CLASP1: variants seen among roughly 807,000 people sequenced by gnomAD.
CLASP1 encodes cytoplasmic linker associated protein 1.
Under a neutral mutation model 192.3 loss-of-function variants are expected in CLASP1, and 38 were observed. That is an observed-to-expected ratio of 0.20 (90% CI 0.15 to 0.26). CLASP1 has a LOEUF of 0.26. CLASP1 is among the 10% of genes least tolerant of loss of function. The probability of loss-of-function intolerance (pLI) is 1.00; values close to 1 mark genes in which losing one functional copy is unlikely to be tolerated. For missense variants in CLASP1, 1,433 were observed against 1,932.5 expected, an observed-to-expected ratio of 0.74 and a Z score of 4.85; for synonymous variants, 691 against 712.8, an observed-to-expected ratio of 0.97 and a Z score of 0.49.
intron 8 of CLASP1, among the ~76,000 whole-genome samples, chr2:121,497,258 G>GT (rs1403118453): frequency 6.6e-6 from 1 of 152,038 alleles, no homozygotes; most frequent in Non-Finnish European, 1.5e-5. Flanking sequence ...GGAGAGGGAG[G>GT]TATCAAAAAT....
At chr2:121,491,455 AT>A (rs1216217299) in intron 8 of CLASP1, among the ~76,000 whole-genome samples, 29 of 152,376 alleles carry the variant, frequency 1.9e-4, no homozygotes, top group Non-Finnish European at 1.0e-4. Context: ...ATTAAAGATC[AT>A]TAAGTGGTTG....
At chr2:121,471,011 A>T (rs943854883) in intron 8 of CLASP1, among the ~76,000 whole-genome samples, 5 of 152,214 alleles carry the variant, frequency 3.3e-5, no homozygotes, top group African/African-American at 4.8e-5. Context: ...TTAAAATTTT[A>T]AAAAAACACA....
In CLASP1 at chr2:121,385,241, ATT is replaced by A. The variant is rs1240286339; in HGVS notation, c.3374+1879_3374+1880del. Among the ~76,000 whole-genome samples the A allele has an allele frequency of 2.0e-5, 3 of 152,324 alleles. No individual in the cohort carries two copies. The South Asian group carries it at 6.2e-4, about 32-fold the overall frequency. On this transcript the variant is annotated intron_variant, in intron 32 of 39. Coordinates refer to ENST00000263710, the Ensembl canonical transcript of CLASP1. Reference sequence around the variant, plus strand: ...GACAGTTTTAGTTGCGAGAAAAATCATTTCTTCTGTAAGCTCAAGTTGGCTAA... The same window carrying A: ...GACAGTTTTAGTTGCGAGAAAAATCATCTTCTGTAAGCTCAAGTTGGCTAA...
chr2:121,638,672 T>TTTA (rs35271742), intron 1 of CLASP1, among the ~76,000 whole-genome samples: 27,648 of 147,968 alleles, frequency 0.19, 4,386 homozygotes, highest in African/African-American at 0.43. Flanking sequence ...TCTTTTTTAT[T>TTTA]TTTTTTTTTT....
At chr2:121,489,853 C>T (rs550517103) in intron 8 of CLASP1, among the ~76,000 whole-genome samples, 1 of 152,146 alleles carries the variant, frequency 6.6e-6, no homozygotes, top group Non-Finnish European at 1.5e-5. Context: ...TTATGCTTTT[C>T]CTCTATACCT....
At chr2:121,478,837 CCACA>C (rs1559368025) in intron 8 of CLASP1, among the ~76,000 whole-genome samples, 17 of 94,320 alleles carry the variant, frequency 1.8e-4, no homozygotes, top group African/African-American at 6.8e-4. Context: ...ACACCACACA[CCACA>C]CACACACCAC....
intron 1 of CLASP1, among the ~76,000 whole-genome samples, chr2:121,640,967 G>A (rs146964083): frequency 0.012 from 1,777 of 152,242 alleles, 38 homozygotes; most frequent in African/African-American, 0.04. Flanking sequence ...GCTAACCAAA[G>A]GCTGAGCAGG....
chr2:121,635,343 A>C (rs1315179314), intron 1 of CLASP1, among the ~76,000 whole-genome samples: 1 of 152,204 alleles, frequency 6.6e-6, no homozygotes, highest in African/African-American at 2.4e-5. Flanking sequence ...GGAACTAAAG[A>C]GAATAAAATA....
At chr2:121,485,659 T>C (rs893029810) in intron 8 of CLASP1, among the ~76,000 whole-genome samples, 5 of 151,858 alleles carry the variant, frequency 3.3e-5, no homozygotes, top group Non-Finnish European at 7.4e-5. Flanking sequence ...AGGTCAGGAG[T>C]TTGAGACCTG....
chr2:121,523,301 A>G (rs1324473586), intron 6 of CLASP1, among the ~76,000 whole-genome samples: 1 of 152,240 alleles, frequency 6.6e-6, no homozygotes, highest in Non-Finnish European at 1.5e-5. Context: ...AGAATGTGGG[A>G]TTGTGCTGAT....
At position 121,346,450 on chromosome 2, in the gene CLASP1, C is replaced by T. The variant is rs545543655; in HGVS notation, c.4530+588G>A. On this transcript the variant is annotated intron_variant, in intron 39 of 39. Coordinates refer to ENST00000263710, the Ensembl canonical transcript of CLASP1. ...CATTTTCAGTGACATCCATTTTGGT[C>T]CATTTTCTTCCCCTGATTCCAGACA... Among the ~76,000 whole-genome samples the T allele has an allele frequency of 3.9e-5, 6 of 152,354 alleles. No individual in the cohort carries two copies. The South Asian group carries it at 1.2e-3, about 32-fold the overall frequency.
intron 34 of CLASP1, among the ~76,000 whole-genome samples, chr2:121,373,648 A>G (rs2069268314): frequency 6.6e-6 from 1 of 152,250 alleles, no homozygotes; most frequent in South Asian, 2.1e-4. Flanking sequence ...TCAGATGAAG[A>G]TAACGAACTG....
intron 1 of CLASP1, among the ~76,000 whole-genome samples, chr2:121,628,949 CTTTT>C (rs539354895): frequency 6.7e-6 from 1 of 148,906 alleles, no homozygotes; most frequent in Non-Finnish European, 1.5e-5. Flanking sequence ...GCTGGTCATC[CTTTT>C]TTTTTAATTC....
intron 8 of CLASP1, among the ~76,000 whole-genome samples, chr2:121,488,097 G>A (rs930485505): frequency 6.6e-6 from 1 of 152,086 alleles, no homozygotes; most frequent in Non-Finnish European, 1.5e-5. Flanking sequence ...CCTAAACTCA[G>A]CCATTTCCCC....
chr2:121,632,591 A>G (rs1323410041), intron 1 of CLASP1, among the ~76,000 whole-genome samples: 2 of 152,262 alleles, frequency 1.3e-5, no homozygotes, highest in Admixed American at 6.5e-5. Context: ...TCCAAGATAC[A>G]TGAAGTTTAA....
intron 3 of CLASP1, among the ~76,000 whole-genome samples, chr2:121,530,004 A>G (rs2094716282): frequency 6.6e-6 from 1 of 151,156 alleles, no homozygotes; most frequent in Non-Finnish European, 1.5e-5. Flanking sequence ...GGGCGCCCGC[A>G]GGCCCAGAGG....
chr2:121,611,171 A>T (rs1484930631), intron 1 of CLASP1, among the ~76,000 whole-genome samples: 1 of 137,940 alleles, frequency 7.2e-6, no homozygotes, highest in Non-Finnish European at 1.6e-5. Context: ...GAGTTGGAGG[A>T]GTTACAGGAG....
chr2:121,627,702 C>T (rs1334534572), intron 1 of CLASP1, among the ~76,000 whole-genome samples: 2 of 152,266 alleles, frequency 1.3e-5, no homozygotes, highest in South Asian at 2.1e-4. Flanking sequence ...ACGAGGAAAA[C>T]GTGCAGAGTC....
intron 23 of CLASP1, among the ~76,000 whole-genome samples, chr2:121,411,799 G>A (rs1185947451): frequency 6.6e-6 from 1 of 152,136 alleles, no homozygotes; most frequent in Non-Finnish European, 1.5e-5. Flanking sequence ...AGGAAGTGCT[G>A]GAGATTAAAA....
Sources: allele counts gnomAD v4.1 joint callset (sites outside exome capture counted in the v4.1 genomes callset), GRCh38; gene constraint gnomAD v4.1.1; transcripts MANE v1.5; gene names NCBI Gene and HGNC (gene_info 2026-07-23, HGNC 2026-07-21).